PLAC1: variants seen among roughly 807,000 people sequenced by gnomAD.
The protein encoded by PLAC1 is placenta associated 1, also known as placenta-specific protein 1.
For synonymous variants in PLAC1, 68 were observed against 62.1 expected (o/e 1.09, Z -0.44); for missense variants, 136 against 163.2 (o/e 0.83, Z 0.91).
intron 2 of PLAC1, among the ~76,000 whole-genome samples, chrX:134,582,781 T>C (rs1490581196): frequency 9.0e-6 from 1 of 111,052 alleles, no homozygotes; most frequent in African/African-American, 3.3e-5. Context: ...ATGAGTGCAA[T>C]GTATTTGGAC....
intron 2 of PLAC1, among the ~76,000 whole-genome samples, chrX:134,575,575 C>T (rs1254369396): frequency 1.8e-5 from 2 of 109,700 alleles, no homozygotes; most frequent in African/African-American, 6.6e-5. Flanking sequence ...TGAGACCATC[C>T]TGGCTAACAC....
chrX:134,643,721 T>G (rs770448723), intron 1 of PLAC1, among the ~76,000 whole-genome samples: 3 of 111,193 alleles, frequency 2.7e-5, no homozygotes, highest in African/African-American at 9.8e-5. Flanking sequence ...CTAAGAAAAT[T>G]AGAAATACAA....
At chrX:134,663,463 CACGT>C (rs2078424442), upstream of PLAC1, among the ~76,000 whole-genome samples, 2 of 112,761 alleles carry the variant, frequency 1.8e-5, no homozygotes, top group South Asian at 3.6e-4. Flanking sequence ...CACGCGCGTG[CACGT>C]GTGCACACGT....
In PLAC1 at chrX:134,566,800, T is replaced by C. The variant is rs749392054; in HGVS notation, c.-58-60A>G. ...TTATTTTCTATTGAAAGTTCAAACA[T>C]GATATATTTTTTAAGCAAAGGGCTG... On this transcript the variant is annotated intron_variant, in intron 2 of 2. Coordinates refer to ENST00000359237, the MANE Select transcript of PLAC1 (RefSeq NM_021796.4). The C allele has an allele frequency of 5.3e-6, 3 of 570,776 alleles. No individual in the cohort carries two copies. The African/African-American group carries it at 6.9e-5, about 13-fold the overall frequency. 47.0% of individuals were successfully genotyped at this position (570,776 alleles called of 1,213,427 possible).
chrX:134,603,009 G>A (rs1407504216), intron 1 of PLAC1, among the ~76,000 whole-genome samples: 1 of 106,234 alleles, frequency 9.4e-6, no homozygotes, highest in African/African-American at 3.4e-5. Context: ...ATCAACCATG[G>A]GGAGGCAGAA....
intron 2 of PLAC1, among the ~76,000 whole-genome samples, chrX:134,696,872 GA>G (rs1284011155): frequency 2.8e-5 from 3 of 106,113 alleles, no homozygotes; most frequent in Non-Finnish European, 3.9e-5. Context: ...ACTAAAAATA[GA>G]AAAAAAAAAT....
chrX:134,706,543 A>C lies in PLAC1; in HGVS notation n.174+26892T>G, dbSNP rs373864410. On this transcript the variant is annotated intron_variant and non_coding_transcript_variant, in intron 2 of 2. Transcript: ENST00000466797. ...GAATAAAAAATCACTTATAATACCA[A>C]AAACCAGGAAAATCTCAATTTGAAT... 5.3e-5 allele frequency among the ~76,000 whole-genome samples: 6 copies of C among 112,191 alleles called. No individual in the cohort carries two copies. The East Asian group carries it at 8.3e-4, about 16-fold the overall frequency.
intron 2 of PLAC1, among the ~76,000 whole-genome samples, chrX:134,598,671 T>C (rs1189706249): frequency 1.8e-5 from 2 of 110,501 alleles, no homozygotes; most frequent in Non-Finnish European, 3.8e-5. Flanking sequence ...TTTAAGGAGG[T>C]AGAGGTTGAG....
intron 1 of PLAC1, among the ~76,000 whole-genome samples, chrX:134,644,544 C>A: frequency 9.1e-6 from 1 of 110,056 alleles, no homozygotes; most frequent in Non-Finnish European, 1.9e-5. Flanking sequence ...TAACCTATCA[C>A]CTAGGTATTA....
intron 1 of PLAC1, among the ~76,000 whole-genome samples, chrX:134,736,383 T>C (rs1053471078): frequency 9.0e-6 from 1 of 111,282 alleles, no homozygotes. Flanking sequence ...TCCAAGGCAG[T>C]AGACAACTGC....
At chrX:134,715,267 T>C (rs1569410181) in intron 2 of PLAC1, among the ~76,000 whole-genome samples, 1 of 111,299 alleles carries the variant, frequency 9.0e-6, no homozygotes, top group Non-Finnish European at 1.9e-5. Flanking sequence ...CAAAGCCCAC[T>C]CTAAACCACC....
intron 2 of PLAC1, among the ~76,000 whole-genome samples, chrX:134,671,182 G>T (rs1413939735): frequency 9.0e-6 from 1 of 111,347 alleles, no homozygotes; most frequent in African/African-American, 3.3e-5. Flanking sequence ...TCACAAACTA[G>T]ATCAATAGAC....
chrX:134,675,102 G>T, intron 2 of PLAC1, among the ~76,000 whole-genome samples: 1 of 112,041 alleles, frequency 8.9e-6, no homozygotes, highest in East Asian at 2.8e-4. Context: ...TTAATGCATC[G>T]AACTCTGGAG....
rs758916276 is a variant in PLAC1 at position 134,692,724 on chromosome X, G to A, written n.174+40711C>T. Among the ~76,000 whole-genome samples, 10 of 111,649 alleles carry A rather than the reference G, an allele frequency of 9.0e-5. No homozygotes were observed. The South Asian group carries it at 3.8e-3, about 43-fold the overall frequency. ...TTAACTCATAAATTATTCCTTCAGAGTCCACAATGTGCTAAACTCTGTGTG... is the reference window on the plus strand; with the variant it reads ...TTAACTCATAAATTATTCCTTCAGAATCCACAATGTGCTAAACTCTGTGTG... On this transcript the variant is annotated intron_variant and non_coding_transcript_variant, in intron 2 of 2. Transcript: ENST00000466797.
chrX:134,596,723 A>C lies in PLAC1; in HGVS notation c.-59+5328T>G, dbSNP rs768731687. Among the ~76,000 whole-genome samples the C allele has an allele frequency of 4.5e-5, 5 of 110,370 alleles. No homozygotes were observed. In the South Asian group the frequency reaches 2.0e-3, roughly 43 times the overall value. Reference sequence around the variant, plus strand: ...GTGATCCTCCTACTTGAGCCTCTCGAGTAGCTGGGACTACAGGTGTGCACC... The same window carrying C: ...GTGATCCTCCTACTTGAGCCTCTCGCGTAGCTGGGACTACAGGTGTGCACC... On this transcript the variant is annotated intron_variant, in intron 2 of 2. Coordinates refer to ENST00000359237, the MANE Select transcript of PLAC1 (RefSeq NM_021796.4).
At chrX:134,662,394 C>T (rs1003419446), upstream of PLAC1, among the ~76,000 whole-genome samples, 1 of 112,753 alleles carries the variant, frequency 8.9e-6, no homozygotes. Flanking sequence ...CACTGGACAT[C>T]TCTTCCCAAC....
chrX:134,703,907 T>G (rs2078592062), intron 2 of PLAC1, among the ~76,000 whole-genome samples: 1 of 107,914 alleles, frequency 9.3e-6, no homozygotes, highest in Non-Finnish European at 1.9e-5. Context: ...TATATCTCTA[T>G]CTCTATCTCT....
At chrX:134,679,029 T>A (rs1261398777) in intron 2 of PLAC1, among the ~76,000 whole-genome samples, 1 of 111,369 alleles carries the variant, frequency 9.0e-6, no homozygotes, top group Non-Finnish European at 1.9e-5. Context: ...TCCCCTAGAA[T>A]CTTTGGAGGA....
At chrX:134,719,522 T>C (rs964472665) in intron 2 of PLAC1, among the ~76,000 whole-genome samples, 4 of 111,750 alleles carry the variant, frequency 3.6e-5, no homozygotes, top group Middle Eastern at 4.2e-3. Context: ...CCCAGCACTT[T>C]GGGAGGCCTG....
Sources: allele counts gnomAD v4.1 joint callset (sites outside exome capture counted in the v4.1 genomes callset), GRCh38; gene constraint gnomAD v4.1.1; transcripts MANE v1.5; gene names NCBI Gene and HGNC (gene_info 2026-07-23, HGNC 2026-07-21).